Variants in CHST11 observed in about 807,000 individuals in gnomAD.
CHST11 encodes carbohydrate sulfotransferase 11.
A neutral mutation model predicts 30.4 loss-of-function variants in CHST11; 9 were observed. The ratio of observed to expected loss-of-function variants is 0.30; its 90% confidence interval spans 0.18 to 0.52. The LOEUF is 0.52. Ranked by LOEUF, CHST11 falls within the 20% of genes least tolerant of loss-of-function variation. CHST11 has a pLI of 0.97. For synonymous variants in CHST11, 152 were observed against 187.8 expected, an observed-to-expected ratio of 0.81 and a Z score of 1.56; for missense variants, 348 against 460.6, an observed-to-expected ratio of 0.76 and a Z score of 2.24.
intron 2 of CHST11, among the ~76,000 whole-genome samples, chr12:104,634,143 A>C (rs2136069818): frequency 6.6e-6 from 1 of 152,328 alleles, no homozygotes; most frequent in South Asian, 2.1e-4. Flanking sequence ...TTGATGAGTA[A>C]TTATTCAGCA....
intron 1 of CHST11, among the ~76,000 whole-genome samples, chr12:104,538,210 C>T (rs949078199): frequency 6.6e-5 from 10 of 152,138 alleles, no homozygotes; most frequent in African/African-American, 1.9e-4. Context: ...TTCCTTATTT[C>T]GGTGATCTTG....
intron 2 of CHST11, among the ~76,000 whole-genome samples, chr12:104,697,291 G>T (rs2039955880): frequency 6.6e-6 from 1 of 152,230 alleles, no homozygotes; most frequent in Non-Finnish European, 1.5e-5. Flanking sequence ...TTCTGGGTGT[G>T]TCTGTGAGGG....
At chr12:104,726,840 T>A (rs2040220572) in intron 2 of CHST11, among the ~76,000 whole-genome samples, 1 of 152,182 alleles carries the variant, frequency 6.6e-6, no homozygotes, top group Non-Finnish European at 1.5e-5. Flanking sequence ...CATAGCAAGA[T>A]CTGATATATC....
intron 2 of CHST11, among the ~76,000 whole-genome samples, chr12:104,715,458 G>A (rs2040123345): frequency 6.6e-6 from 1 of 152,166 alleles, no homozygotes; most frequent in South Asian, 2.1e-4. Flanking sequence ...GACCCTGCAT[G>A]ACATAATCAT....
chr12:104,758,527 G>A lies in CHST11; in HGVS notation c.*724G>A, dbSNP rs757301919. The A allele has an allele frequency of 3.3e-5, 5 of 152,218 alleles. No individual in the cohort carries two copies. Among genetic ancestry groups the A allele is most frequent in the Non-Finnish European group, 7.3e-5 (5 of 68,056 alleles). The allele number at this position is 152,218 out of a possible 1,614,324, so 9.4% of individuals were successfully genotyped here. A position where few individuals can be genotyped will look rare whatever the true frequency, so the allele number is the denominator to read the frequency against. Reference sequence around the variant, plus strand: ...CGGTGCCAGTTGCAGTGAAGGTGAAGTGGCTATTGCTTTATATTCGACAAA... The same window carrying A: ...CGGTGCCAGTTGCAGTGAAGGTGAAATGGCTATTGCTTTATATTCGACAAA... On this transcript the variant is annotated 3_prime_UTR_variant, in exon 3 of 3. Coordinates refer to ENST00000303694, the MANE Select transcript of CHST11 (RefSeq NM_018413.6).
chr12:104,668,723 A>G (rs2039664090), intron 2 of CHST11, among the ~76,000 whole-genome samples: 1 of 152,148 alleles, frequency 6.6e-6, no homozygotes, highest in South Asian at 2.1e-4. Flanking sequence ...CCATAGATGT[A>G]TGGGTCATGG....
At chr12:104,544,950 G>A (rs566899788) in intron 1 of CHST11, among the ~76,000 whole-genome samples, 4 of 152,126 alleles carry the variant, frequency 2.6e-5, no homozygotes, top group South Asian at 2.1e-4. Flanking sequence ...GCTGAAAAAT[G>A]GGTGGGTTTA....
At chr12:104,511,666 C>A (rs564822949) in intron 1 of CHST11, among the ~76,000 whole-genome samples, 1 of 152,120 alleles carries the variant, frequency 6.6e-6, no homozygotes, top group African/African-American at 2.4e-5. Context: ...AAGGGAATGA[C>A]CTTGGGCAGA....
intron 2 of CHST11, among the ~76,000 whole-genome samples, chr12:104,730,336 T>C (rs2040246836): frequency 6.6e-6 from 1 of 152,228 alleles, no homozygotes; most frequent in African/African-American, 2.4e-5. Context: ...ATAAGGATTG[T>C]CCCTGAGATA....
At chr12:104,735,097 A>G (rs2040289802) in intron 2 of CHST11, among the ~76,000 whole-genome samples, 1 of 152,202 alleles carries the variant, frequency 6.6e-6, no homozygotes, top group African/African-American at 2.4e-5. Context: ...TTCAGGGAGC[A>G]GAGGTAGGGA....
chr12:104,476,216 A>G (rs2037560384), intron 1 of CHST11, among the ~76,000 whole-genome samples: 1 of 144,820 alleles, frequency 6.9e-6, no homozygotes, highest in African/African-American at 2.5e-5. Context: ...ACAATATTAC[A>G]TATATGTTAT....
Position 104,457,131 on chromosome 12 carries a change from C to T in CHST11, c.-281C>T, listed in dbSNP as rs1257995473. 1.1e-4 allele frequency: 29 copies of T among 261,114 alleles called. No homozygotes were observed. In the East Asian group the frequency reaches 2.0e-3, roughly 18 times the overall value. The allele number at this position is 261,114 out of a possible 1,614,324, so 16.2% of individuals were successfully genotyped here. A position where few individuals can be genotyped will look rare whatever the true frequency, so the allele number is the denominator to read the frequency against. ...GCGACCAGGCAGCGGCGGCCGCCGG[C>T]GGGATCGGAGGAGGCGGCGGAGCGG... On this transcript the variant is annotated 5_prime_UTR_variant, in exon 1 of 3. Coordinates refer to ENST00000303694, the MANE Select transcript of CHST11 (RefSeq NM_018413.6).
At chr12:104,555,804 T>C (rs2038448974) in intron 1 of CHST11, among the ~76,000 whole-genome samples, 1 of 152,266 alleles carries the variant, frequency 6.6e-6, no homozygotes, top group African/African-American at 2.4e-5. Flanking sequence ...CAGCTGGAGC[T>C]GGCAAGGGGC....
intron 2 of CHST11, among the ~76,000 whole-genome samples, chr12:104,721,827 C>T (rs1254303046): frequency 1.3e-5 from 2 of 152,152 alleles, no homozygotes; most frequent in Non-Finnish European, 2.9e-5. Context: ...ATGGCTCAGG[C>T]GATTCCCCCA....
At chr12:104,585,529 A>G (rs562157511) in intron 1 of CHST11, among the ~76,000 whole-genome samples, 2 of 152,326 alleles carry the variant, frequency 1.3e-5, no homozygotes, top group South Asian at 2.1e-4. Flanking sequence ...AACACGTGAC[A>G]TGGATGAACT....
intron 2 of CHST11, among the ~76,000 whole-genome samples, chr12:104,678,322 A>G (rs2039762370): frequency 6.6e-6 from 1 of 152,220 alleles, no homozygotes; most frequent in African/African-American, 2.4e-5. Context: ...TGTCTCTCTC[A>G]CCACCTCTGG....
intron 1 of CHST11, among the ~76,000 whole-genome samples, chr12:104,598,168 CAT>C (rs1268039828): frequency 6.6e-6 from 1 of 152,210 alleles, no homozygotes; most frequent in Admixed American, 6.5e-5. Flanking sequence ...TGAATATACT[CAT>C]GTGCATAATT....
intron 2 of CHST11, among the ~76,000 whole-genome samples, chr12:104,709,597 G>T (rs1046667603): frequency 1.4e-4 from 22 of 152,160 alleles, no homozygotes; most frequent in African/African-American, 5.1e-4. Flanking sequence ...ACTGTGACCT[G>T]CCGAGAACCC....
chr12:104,587,310 C>G (rs1255202398), intron 1 of CHST11, among the ~76,000 whole-genome samples: 4 of 152,196 alleles, frequency 2.6e-5, no homozygotes, highest in Non-Finnish European at 4.4e-5. Context: ...CTTCTGATAA[C>G]AATTTAAATT....
Sources: allele counts gnomAD v4.1 joint callset (sites outside exome capture counted in the v4.1 genomes callset), GRCh38; gene constraint gnomAD v4.1.1; transcripts MANE v1.5; gene names NCBI Gene and HGNC (gene_info 2026-07-23, HGNC 2026-07-21).